The following CLSTN2 variants were observed in gnomAD, a reference collection of about 807,000 sequenced individuals.
CLSTN2 encodes the protein calsyntenin-2.
In CLSTN2, 48 loss-of-function variants were observed where a neutral mutation model predicts 101.2. The ratio of observed to expected loss-of-function variants is 0.47; its 90% CI spans 0.38 to 0.60. The LOEUF (loss-of-function observed/expected upper bound fraction) is 0.60, where lower values mean the gene tolerates loss of function less well. CLSTN2 is among the 20% of genes least tolerant of loss of function. The probability of loss-of-function intolerance (pLI) is 0.00; values close to 1 mark genes in which losing one functional copy is unlikely to be tolerated. For synonymous variants in CLSTN2, 481 were observed against 463.6 expected, an observed-to-expected ratio of 1.04 and a Z score of -0.48; for missense variants, 1,160 against 1,238.2, an observed-to-expected ratio of 0.94 and a Z score of 0.95.
At chr3:140,539,197 T>C (rs933241093) in intron 9 of CLSTN2, among the ~76,000 whole-genome samples, 1 of 150,996 alleles carries the variant, frequency 6.6e-6, no homozygotes, top group African/African-American at 2.5e-5. Context: ...TCAGGATCTA[T>C]AGAAGGTTAA....
At position 140,459,530 on chromosome 3, in the gene CLSTN2, C is replaced by T; in HGVS notation, c.983C>T (p.Ser328Phe). The T allele has an allele frequency of 6.2e-7, 1 of 1,614,010 alleles. No homozygotes were observed. Among genetic ancestry groups the T allele is most frequent in the Non-Finnish European group, 8.5e-7 (1 of 1,179,902 alleles). The change falls in exon 7 of 17, where the codon TCT (serine) becomes TTT (phenylalanine). Residue 328 changes from serine to phenylalanine, a missense_variant. Physicochemically the swap from Ser to Phe is radical, Grantham distance 155 (BLOSUM62 -2). Transcript: ENST00000458420. The stretch of plus-strand genomic sequence containing the variant: ...TCCTGACCCTCTGCAGGAGCCTCCT[C>T]TGGCATCATTGACCTCTTGCCATCC... ...KSLQKLCGAS[S>F]GIIDLLPSPS...
At chr3:140,487,615 C>T (rs578223646) in intron 8 of CLSTN2, among the ~76,000 whole-genome samples, 1 of 152,328 alleles carries the variant, frequency 6.6e-6, no homozygotes, top group South Asian at 2.1e-4. Flanking sequence ...GCAGTAATTT[C>T]TTATGTGTTC....
At chr3:140,393,229 G>C (rs555264806) in intron 2 of CLSTN2, among the ~76,000 whole-genome samples, 1 of 152,230 alleles carries the variant, frequency 6.6e-6, no homozygotes, top group South Asian at 2.1e-4. Context: ...TTCAACTTTG[G>C]GGCCCCATCT....
At chr3:140,529,323 C>G (rs1276918961) in intron 8 of CLSTN2, among the ~76,000 whole-genome samples, 1 of 152,182 alleles carries the variant, frequency 6.6e-6, no homozygotes, top group East Asian at 1.9e-4. Context: ...TCCAGAGATT[C>G]ATGTGTCTTT....
chr3:140,268,926 G>A (rs142384869), intron 2 of CLSTN2, among the ~76,000 whole-genome samples: 1 of 152,328 alleles, frequency 6.6e-6, no homozygotes, highest in East Asian at 1.9e-4. Context: ...AATGTAGGTA[G>A]TGGTGTTCTG....
At chr3:140,071,225 GA>G (rs1439357100) in intron 1 of CLSTN2, among the ~76,000 whole-genome samples, 2 of 151,898 alleles carry the variant, frequency 1.3e-5, no homozygotes, top group Non-Finnish European at 1.5e-5. Context: ...TTGATATTTG[GA>G]AAAAGGGAAA....
intron 10 of CLSTN2, among the ~76,000 whole-genome samples, chr3:140,550,118 T>C (rs918456245): frequency 6.6e-6 from 1 of 151,524 alleles, no homozygotes; most frequent in Non-Finnish European, 1.5e-5. Context: ...TTCAAATCAC[T>C]GCAGGAGGAA....
intron 2 of CLSTN2, among the ~76,000 whole-genome samples, chr3:140,182,707 A>ATC (rs2010428777): frequency 6.6e-6 from 1 of 152,194 alleles, no homozygotes; most frequent in South Asian, 2.1e-4. Flanking sequence ...CCTATCTGGA[A>ATC]TCCACCATCT....
intron 1 of CLSTN2, among the ~76,000 whole-genome samples, chr3:140,131,190 G>A (rs1026175124): frequency 5.9e-5 from 9 of 151,296 alleles, no homozygotes; most frequent in Admixed American, 4.6e-4. Context: ...TATTTCTTTG[G>A]CAGCAAACCC....
chr3:140,052,988 C>T (rs892009244), intron 1 of CLSTN2, among the ~76,000 whole-genome samples: 2 of 152,208 alleles, frequency 1.3e-5, no homozygotes, highest in Non-Finnish European at 2.9e-5. Context: ...ACACAGCTCT[C>T]ATCAAGACAG....
chr3:140,484,622 T>C (rs1231380212), intron 8 of CLSTN2, among the ~76,000 whole-genome samples: 3 of 152,242 alleles, frequency 2.0e-5, no homozygotes, highest in Admixed American at 6.5e-5. Context: ...AGATTTGGTC[T>C]TTTCACATAG....
chr3:140,418,990 C>G (rs950393847), intron 4 of CLSTN2, among the ~76,000 whole-genome samples: 3 of 151,440 alleles, frequency 2.0e-5, no homozygotes, highest in Non-Finnish European at 4.4e-5. Context: ...GGCCTGGGTA[C>G]CAATACTCTT....
At chr3:140,052,211 T>A (rs750156481) in intron 1 of CLSTN2, among the ~76,000 whole-genome samples, 2 of 152,028 alleles carry the variant, frequency 1.3e-5, no homozygotes, top group African/African-American at 2.4e-5. Flanking sequence ...CAGGCTGGAG[T>A]GTAATGGCAT....
At chr3:139,985,040 C>T (rs979465235) in intron 1 of CLSTN2, among the ~76,000 whole-genome samples, 2 of 152,186 alleles carry the variant, frequency 1.3e-5, no homozygotes, top group African/African-American at 4.8e-5. Context: ...CATTTCTCTC[C>T]ATCTCCACTG....
intron 8 of CLSTN2, among the ~76,000 whole-genome samples, chr3:140,509,211 T>C (rs1468038807): frequency 1.3e-5 from 2 of 152,188 alleles, no homozygotes; most frequent in South Asian, 2.1e-4. Flanking sequence ...CATAGGTACA[T>C]AGCAGGAGGA....
chr3:140,192,664 AT>A (rs71149071), intron 2 of CLSTN2, among the ~76,000 whole-genome samples: 61,944 of 149,178 alleles, frequency 0.42, 15,263 homozygotes, highest in East Asian at 0.75. Context: ...TTTTTTTTCC[AT>A]TTTTTTTTGT....
intron 1 of CLSTN2, among the ~76,000 whole-genome samples, chr3:140,089,254 T>C (rs1317235): frequency 0.076 from 11,643 of 152,246 alleles, 496 homozygotes; most frequent in East Asian, 0.16. Flanking sequence ...TGGCCTTGTG[T>C]GCCCTTTGAA....
intron 1 of CLSTN2, among the ~76,000 whole-genome samples, chr3:140,089,045 T>A (rs1482094517): frequency 6.6e-6 from 1 of 152,056 alleles, no homozygotes; most frequent in Admixed American, 6.6e-5. Flanking sequence ...GAACTAAAAA[T>A]GTAAGTATGC....
At chr3:139,989,757 C>A (rs1372907953) in intron 1 of CLSTN2, among the ~76,000 whole-genome samples, 2 of 152,210 alleles carry the variant, frequency 1.3e-5, no homozygotes, top group Non-Finnish European at 2.9e-5. Flanking sequence ...AATCCCCTAC[C>A]TTTAAATTCC....
Sources: gnomAD v4.1 joint callset for allele counts (sites outside exome capture counted in the v4.1 genomes callset) on GRCh38, gnomAD v4.1.1 for gene constraint, MANE v1.5 for transcripts, NCBI Gene and HGNC (gene_info 2026-07-23, HGNC 2026-07-21) for gene names.